The following ACKR2 variants were observed in gnomAD, a reference collection of about 807,000 sequenced individuals.
ACKR2 encodes the protein atypical chemokine receptor 2.
For synonymous variants in ACKR2, 207 were observed against 192.2 expected, an observed-to-expected ratio of 1.08 and a Z score of -0.64; for missense variants, 457 against 477.3, an observed-to-expected ratio of 0.96 and a Z score of 0.40.
chr3:42,853,622 C>G (rs929591258), intron 2 of ACKR2, among the ~76,000 whole-genome samples: 2 of 152,122 alleles, frequency 1.3e-5, no homozygotes, highest in Non-Finnish European at 2.9e-5. Context: ...CATGGACACC[C>G]ATTTCAAATC....
chr3:42,850,219 C>T (rs1278354542), intron 2 of ACKR2, among the ~76,000 whole-genome samples: 1 of 152,124 alleles, frequency 6.6e-6, no homozygotes, highest in African/African-American at 2.4e-5. Flanking sequence ...CTGCTTCCTT[C>T]TGCCTGAGTA....
intron 2 of ACKR2, among the ~76,000 whole-genome samples, chr3:42,827,711 G>A (rs921956766): frequency 2.0e-5 from 3 of 152,106 alleles, no homozygotes; most frequent in Admixed American, 6.6e-5. Context: ...CAAGATGAAG[G>A]CACTAGGGGA....
At chr3:42,830,072 C>G (rs1018600111) in intron 2 of ACKR2, among the ~76,000 whole-genome samples, 10 of 151,866 alleles carry the variant, frequency 6.6e-5, no homozygotes, top group African/African-American at 2.2e-4. Flanking sequence ...TTTCAAATAC[C>G]CCTTATAACA....
Position 42,856,552 on chromosome 3 carries a change from A to G in ACKR2, c.-37-7914A>G. 4.9e-6 allele frequency: 3 copies of G among 609,822 alleles called. No individual in the cohort carries two copies. The South Asian group carries it at 6.1e-5, about 12-fold the overall frequency. 37.8% of individuals were successfully genotyped at this position (609,822 alleles called of 1,614,324 possible). A position where few individuals can be genotyped will look rare whatever the true frequency, so the allele number is the denominator to read the frequency against. On this transcript the variant is annotated intron_variant, in intron 2 of 2. Transcript: ENST00000422265. Reference sequence around the variant, plus strand: ...ACATATGAAAAAAGCTAACATCCTCACTATTATAAGACCTCATAAAATGAG... The same window carrying G: ...ACATATGAAAAAAGCTAACATCCTCGCTATTATAAGACCTCATAAAATGAG...
intron 2 of ACKR2, among the ~76,000 whole-genome samples, chr3:42,833,755 A>G (rs1246361856): frequency 2.0e-5 from 3 of 152,078 alleles, no homozygotes; most frequent in Non-Finnish European, 4.4e-5. Context: ...TTTATTGATC[A>G]TATTAATATT....
chr3:42,846,579 G>T (rs1701099701), intron 2 of ACKR2, among the ~76,000 whole-genome samples: 1 of 152,188 alleles, frequency 6.6e-6, no homozygotes, highest in Non-Finnish European at 1.5e-5. Context: ...AAGAATTTGT[G>T]TTGGGCTGCA....
chr3:42,829,137 AG>A (rs1302840251), intron 2 of ACKR2, among the ~76,000 whole-genome samples: 1 of 152,176 alleles, frequency 6.6e-6, no homozygotes, highest in African/African-American at 2.4e-5. Flanking sequence ...GAAGAAAATG[AG>A]GGTGAGTAAA....
intron 2 of ACKR2, among the ~76,000 whole-genome samples, chr3:42,830,246 G>A (rs920006854): frequency 3.3e-5 from 5 of 152,106 alleles, no homozygotes; most frequent in South Asian, 2.1e-4. Context: ...GATGCTGGTC[G>A]TTAGCCTCTG....
At chr3:42,835,728 G>C (rs886340373) in intron 2 of ACKR2, 2 of 152,266 alleles carry the variant, frequency 1.3e-5, no homozygotes, top group Admixed American at 6.5e-5. Context: ...TCTGCTCTCT[G>C]TAATCTGTGC....
chr3:42,864,649 C>T lies in ACKR2; in HGVS notation c.147C>T (p.Leu49=). The T allele has an allele frequency of 1.2e-6, 2 of 1,614,236 alleles. No individual in the cohort carries two copies. The highest frequency in any genetic ancestry group is 1.7e-6 in the Non-Finnish European group (2 of 1,180,040). The stretch of plus-strand genomic sequence containing the variant: ...TGGTGTCCTTTGGCAAAGTCTTCCT[C>T]CCAGTCTTCTATAGCCTGATTTTTG... ...DAVVSFGKVF[L]PVFYSLIFVL... The change falls in exon 3 of 3, where the codon CTC becomes CTT. Residue 49 remains leucine, a synonymous_variant. Coordinates refer to ENST00000422265, the MANE Select transcript of ACKR2 (RefSeq NM_001296.5).
rs1393304841 is a variant in ACKR2, at chr3:42,866,812, G to A, written c.*1155G>A. 6.0e-6 allele frequency: 1 copy of A among 166,956 alleles called. No individual in the cohort carries two copies. The highest frequency in any genetic ancestry group is 1.5e-5 in the Non-Finnish European group (1 of 68,108). The allele number at this position is 166,956 out of a possible 1,614,324, so 10.3% of individuals were successfully genotyped here. Reference sequence around the variant, plus strand: ...TGCTGCAATGAGCTGGGTAGAAGAGGTTAGTTTTATAGACAGGAAGGGGCT... The same window carrying A: ...TGCTGCAATGAGCTGGGTAGAAGAGATTAGTTTTATAGACAGGAAGGGGCT... On this transcript the variant is annotated 3_prime_UTR_variant, in exon 3 of 3. Transcript: ENST00000422265.
intron 2 of ACKR2, among the ~76,000 whole-genome samples, chr3:42,861,096 C>G (rs2088380283): frequency 6.6e-6 from 1 of 151,906 alleles, no homozygotes; most frequent in Admixed American, 6.6e-5. Context: ...AAAAGATCAA[C>G]AAAATAGATA....
chr3:42,862,641 G>A (rs1426990298), intron 2 of ACKR2, among the ~76,000 whole-genome samples: 1 of 152,142 alleles, frequency 6.6e-6, no homozygotes, highest in Non-Finnish European at 1.5e-5. Context: ...AAAACAGCAT[G>A]GTACTGCTAC....
chr3:42,810,619 G>A (rs1008412172), intron 1 of ACKR2, among the ~76,000 whole-genome samples: 2 of 151,910 alleles, frequency 1.3e-5, no homozygotes, highest in African/African-American at 4.8e-5. Context: ...AAAATCGAAT[G>A]TTTAGCCAAC....
At chr3:42,858,307 C>T (rs530186956) in intron 2 of ACKR2, among the ~76,000 whole-genome samples, 24 of 152,252 alleles carry the variant, frequency 1.6e-4, no homozygotes, top group South Asian at 1.0e-3. Flanking sequence ...CCCTCTGGGA[C>T]GAAGCTTCCA....
intron 2 of ACKR2, among the ~76,000 whole-genome samples, chr3:42,862,370 C>T (rs886780318): frequency 2.0e-5 from 3 of 152,102 alleles, no homozygotes; most frequent in East Asian, 1.9e-4. Context: ...AAGACACAAA[C>T]AAATAGAAAA....
rs956782918 is a variant in ACKR2, at chr3:42,866,630, G to C, written c.*973G>C. ...CAGCCAGAGTGATCCTGATACTCTC[G>C]GCCTTTACTTCCGCCTCCCTCAGAG... On this transcript the variant is annotated 3_prime_UTR_variant, in exon 3 of 3. Transcript: ENST00000422265. The C allele has an allele frequency of 6.0e-6, 1 of 166,956 alleles. No homozygotes were observed. The highest frequency in any genetic ancestry group is 2.4e-5 in the African/African-American group (1 of 41,398). 10.3% of individuals were successfully genotyped at this position (166,956 alleles called of 1,614,324 possible).
chr3:42,849,452 C>T (rs780972841), intron 2 of ACKR2, among the ~76,000 whole-genome samples: 1 of 151,570 alleles, frequency 6.6e-6, no homozygotes, highest in African/African-American at 2.4e-5. Context: ...GAGCCGAGGC[C>T]GAGCTCACAC....
chr3:42,860,396 A>G (rs988946977), intron 2 of ACKR2, among the ~76,000 whole-genome samples: 16 of 152,092 alleles, frequency 1.1e-4, no homozygotes, highest in African/African-American at 3.9e-4. Context: ...CTCCCACACA[A>G]TAATGGGAGA....
Sources: allele counts gnomAD v4.1 joint callset (sites outside exome capture counted in the v4.1 genomes callset), GRCh38; gene constraint gnomAD v4.1.1; transcripts MANE v1.5; gene names NCBI Gene and HGNC (gene_info 2026-07-23, HGNC 2026-07-21).